Variants in MALRD1 observed in about 807,000 individuals in gnomAD.
MALRD1 encodes the protein MAM and LDL-receptor class A domain-containing protein 1.
MALRD1 carries 247 observed loss-of-function variants against 242.1 expected under a neutral mutation model. That is an observed-to-expected ratio of 1.02 (90% CI 0.92 to 1.13). MALRD1 has a LOEUF of 1.13. Ranked by LOEUF, MALRD1 falls within the 50% of genes most tolerant of loss-of-function variation. The pLI is 0.00. For synonymous variants in MALRD1, 995 were observed against 866.6 expected, an observed-to-expected ratio of 1.15 and a Z score of -2.60; for missense variants, 2,989 against 2,533.1, an observed-to-expected ratio of 1.18 and a Z score of -3.86.
chr10:19,543,582 T>C (rs1414217050), intron 32 of MALRD1, among the ~76,000 whole-genome samples: 1 of 151,990 alleles, frequency 6.6e-6, no homozygotes, highest in Non-Finnish European at 1.5e-5. Context: ...CTTACTCCGC[T>C]TTTTGAGTTA....
intron 6 of MALRD1, among the ~76,000 whole-genome samples, chr10:19,123,913 T>A (rs1474150567): frequency 6.6e-6 from 1 of 152,074 alleles, no homozygotes; most frequent in Non-Finnish European, 1.5e-5. Flanking sequence ...AAAGCCATTT[T>A]AAAAATCGTT....
At chr10:19,393,442 A>ATT (rs71387074) in intron 28 of MALRD1, among the ~76,000 whole-genome samples, 2,000 of 110,028 alleles carry the variant, frequency 0.018, 119 homozygotes, top group African/African-American at 0.025. Context: ...GATGAGGTTA[A>ATT]TTTTTTTTTT....
rs529776253 is a variant in MALRD1, at chr10:19,415,271, T to G, written c.4845+25662T>G. 2.0e-5 allele frequency among the ~76,000 whole-genome samples: 3 copies of G among 152,304 alleles called. No homozygotes were observed. In the East Asian group the frequency reaches 5.8e-4, roughly 29 times the overall value. On this transcript the variant is annotated intron_variant, in intron 28 of 39. Transcript: ENST00000454679. ...ACAAAGGATTTATTTATTTGGGCGTTGACCATACCTTATCGAGATTAGTAT... is the reference window on the plus strand; with the variant it reads ...ACAAAGGATTTATTTATTTGGGCGTGGACCATACCTTATCGAGATTAGTAT...
At position 19,471,854 on chromosome 10, in the gene MALRD1, T is replaced by C. The variant is rs569479537; in HGVS notation, c.5030-19663T>C. Among the ~76,000 whole-genome samples, 10 of 152,012 alleles carry C rather than the reference T, an allele frequency of 6.6e-5. No individual in the cohort carries two copies. The South Asian group carries it at 1.9e-3, about 28-fold the overall frequency. ...TCTTCAGAGTTTTCTATATATAAGATCATGTCATCTACAAACAGAGACAAC... is the reference window on the plus strand; with the variant it reads ...TCTTCAGAGTTTTCTATATATAAGACCATGTCATCTACAAACAGAGACAAC... On this transcript the variant is annotated intron_variant, in intron 29 of 39. Coordinates refer to ENST00000454679, the MANE Select transcript of MALRD1 (RefSeq NM_001142308.3).
At chr10:19,296,955 T>C (rs1841731591) in intron 21 of MALRD1, among the ~76,000 whole-genome samples, 1 of 151,948 alleles carries the variant, frequency 6.6e-6, no homozygotes, top group Admixed American at 6.6e-5. Context: ...GATTGGCTCA[T>C]AGAAAGCTTA....
chr10:19,099,716 C>G (rs535046417), intron 4 of MALRD1, among the ~76,000 whole-genome samples: 1 of 151,392 alleles, frequency 6.6e-6, no homozygotes, highest in Non-Finnish European at 1.5e-5. Context: ...TACCATACAC[C>G]AACACAGCTC....
At chr10:19,352,953 G>A (rs993440101) in intron 26 of MALRD1, among the ~76,000 whole-genome samples, 6 of 151,996 alleles carry the variant, frequency 3.9e-5, no homozygotes, top group Non-Finnish European at 5.9e-5. Flanking sequence ...TATTATTAAC[G>A]AGACAAAGGA....
At position 19,321,531 on chromosome 10, in the gene MALRD1, C is replaced by T. The variant is rs192187048; in HGVS notation, c.3420-2418C>T. On this transcript the variant is annotated intron_variant, in intron 21 of 39. Coordinates refer to ENST00000454679, the MANE Select transcript of MALRD1 (RefSeq NM_001142308.3). ...GATAGATGTAAATAGCTCCAGAGTA[C>T]ATGTGATAATTTAATACATTTAACT... 2.8e-4 allele frequency among the ~76,000 whole-genome samples: 42 copies of T among 152,228 alleles called. No individual in the cohort carries two copies. The East Asian group carries it at 7.9e-3, about 29-fold the overall frequency.
At chr10:19,164,179 A>C (rs1298930492) in intron 12 of MALRD1, among the ~76,000 whole-genome samples, 4 of 135,056 alleles carry the variant, frequency 3.0e-5, no homozygotes, top group Non-Finnish European at 7.0e-5. Context: ...AAATGAAATA[A>C]ACAATCAGAA....
intron 34 of MALRD1, among the ~76,000 whole-genome samples, chr10:19,600,566 TC>T (rs1214846684): frequency 5.9e-5 from 9 of 152,336 alleles, no homozygotes; most frequent in Admixed American, 5.2e-4. Flanking sequence ...GCCTTCATTC[TC>T]ATAGCCCAAG....
chr10:19,148,782 A>ATATATAT (rs1363943174), intron 11 of MALRD1, among the ~76,000 whole-genome samples: 15 of 80,858 alleles, frequency 1.9e-4, no homozygotes, highest in African/African-American at 6.0e-4. Context: ...TTAAAAAAAA[A>ATATATAT]AAAAAAATAT....
intron 10 of MALRD1, among the ~76,000 whole-genome samples, chr10:19,142,256 G>A (rs1833577216): frequency 6.7e-6 from 1 of 148,996 alleles, no homozygotes; most frequent in African/African-American, 2.5e-5. Context: ...AATATTTAGT[G>A]TAGCAATGAT....
At chr10:19,135,873 A>C (rs991333615) in intron 9 of MALRD1, among the ~76,000 whole-genome samples, 2 of 152,212 alleles carry the variant, frequency 1.3e-5, no homozygotes, top group Admixed American at 1.3e-4. Context: ...ATTATCTTAC[A>C]CTTGACCAGC....
At chr10:19,674,654 C>T (rs10764124) in intron 36 of MALRD1, among the ~76,000 whole-genome samples, 60,060 of 151,912 alleles carry the variant, frequency 0.4, 13,355 homozygotes, top group Non-Finnish European at 0.5. Context: ...CCAGAATATA[C>T]ATTTGAAAGG....
intron 14 of MALRD1, among the ~76,000 whole-genome samples, chr10:19,203,198 T>G (rs1291167156): frequency 1.3e-5 from 2 of 152,196 alleles, no homozygotes; most frequent in African/African-American, 2.4e-5. Flanking sequence ...ATAGTTCAAA[T>G]TATTTTCTGC....
At chr10:19,603,094 C>A (rs1056466938) in intron 34 of MALRD1, among the ~76,000 whole-genome samples, 10 of 151,982 alleles carry the variant, frequency 6.6e-5, no homozygotes, top group African/African-American at 2.2e-4. Flanking sequence ...TGGATATTAG[C>A]CCTTTGTCAG....
chr10:19,609,637 A>G (rs1216648541), intron 35 of MALRD1, among the ~76,000 whole-genome samples: 3 of 152,086 alleles, frequency 2.0e-5, no homozygotes, highest in South Asian at 4.1e-4. Flanking sequence ...GGCACTGTAT[A>G]GATGTTGCAG....
chr10:19,478,254 C>T (rs1236868849), intron 29 of MALRD1, among the ~76,000 whole-genome samples: 2 of 152,150 alleles, frequency 1.3e-5, no homozygotes, highest in Non-Finnish European at 2.9e-5. Flanking sequence ...GCTATCTGAA[C>T]AAAGGAAATA....
chr10:19,452,190 C>T (rs1032240748), intron 29 of MALRD1, among the ~76,000 whole-genome samples: 1 of 152,158 alleles, frequency 6.6e-6, no homozygotes, highest in Non-Finnish European at 1.5e-5. Context: ...AAATTCCTTT[C>T]CTCTCAAGGG....
Sources: allele counts gnomAD v4.1 joint callset (sites outside exome capture counted in the v4.1 genomes callset), GRCh38; gene constraint gnomAD v4.1.1; transcripts MANE v1.5; gene names NCBI Gene and HGNC (gene_info 2026-07-23, HGNC 2026-07-21).